The following CDH4 variants were observed in gnomAD, a reference collection of about 807,000 sequenced individuals.
The protein encoded by CDH4 is cadherin-4.
A neutral mutation model predicts 86.0 loss-of-function variants in CDH4; 33 were observed. The ratio of observed to expected loss-of-function variants is 0.38; its 90% confidence interval spans 0.29 to 0.51. The LOEUF is 0.51. Among genes scored for constraint, CDH4 ranks in the 20% least tolerant of loss-of-function variants. CDH4 has a pLI of 0.86. For synonymous variants in CDH4, 555 were observed against 549.4 expected (o/e 1.01, Z -0.14); for missense variants, 1,114 against 1,307.4 (o/e 0.85, Z 2.28).
At chr20:61,586,626 G>T (rs550466669) in intron 2 of CDH4, among the ~76,000 whole-genome samples, 3 of 152,162 alleles carry the variant, frequency 2.0e-5, no homozygotes, top group Non-Finnish European at 4.4e-5. Flanking sequence ...TGATCCTTTT[G>T]TAGACAAAAA....
chr20:61,662,439 C>A (rs1163520603), intron 2 of CDH4, among the ~76,000 whole-genome samples: 1 of 152,230 alleles, frequency 6.6e-6, no homozygotes, highest in Non-Finnish European at 1.5e-5. Context: ...GCGGCTTCAC[C>A]ATTCCGAGCT....
intron 2 of CDH4, among the ~76,000 whole-genome samples, chr20:61,399,038 C>CA (rs2085034474): frequency 6.6e-6 from 1 of 152,070 alleles, no homozygotes; most frequent in Non-Finnish European, 1.5e-5. Flanking sequence ...AAGTGAACCC[C>CA]AGGTCATTAT....
At chr20:61,621,134 G>A (rs1400371698) in intron 2 of CDH4, among the ~76,000 whole-genome samples, 1 of 152,234 alleles carries the variant, frequency 6.6e-6, no homozygotes, top group Non-Finnish European at 1.5e-5. Context: ...AGTCAAAGGT[G>A]AGCATTGTGA....
chr20:61,934,051 C>G lies in CDH4; in HGVS notation c.2380-5C>G, dbSNP rs1277127664. ...CCCCTGACTCCTCCCGGCTCCCTCC[C>G]CCAGGACTACGACCTCAGCCAGCTG... On this transcript the variant is annotated splice_polypyrimidine_tract_variant and splice_region_variant and intron_variant, in intron 14 of 15. Coordinates refer to ENST00000614565, the MANE Select transcript of CDH4 (RefSeq NM_001794.5). 1 of 1,610,776 alleles carries G rather than the reference C, an allele frequency of 6.2e-7. No individual in the cohort carries two copies. The highest frequency in any genetic ancestry group is 8.5e-7 in the Non-Finnish European group (1 of 1,179,770).
intron 4 of CDH4, among the ~76,000 whole-genome samples, chr20:61,796,102 C>T (rs972405335): frequency 2.0e-5 from 3 of 152,110 alleles, no homozygotes; most frequent in South Asian, 2.1e-4. Flanking sequence ...GGGAGGCTCC[C>T]GGACCGCTGC....
chr20:61,594,114 C>G (rs1263602598), intron 2 of CDH4, among the ~76,000 whole-genome samples: 1 of 74,162 alleles, frequency 1.3e-5, no homozygotes, highest in East Asian at 4.6e-4. Flanking sequence ...GGAAGGGGGT[C>G]AGGGCAAAGA....
intron 4 of CDH4, among the ~76,000 whole-genome samples, chr20:61,779,275 G>A (rs1490847585): frequency 2.6e-5 from 4 of 152,176 alleles, no homozygotes; most frequent in Admixed American, 1.3e-4. Flanking sequence ...GTGCTCCTGG[G>A]TGCGAATCCT....
rs554246675 is a variant in CDH4 at position 61,649,235 on chromosome 20, C to A, written c.170-94328C>A. On this transcript the variant is annotated intron_variant, in intron 2 of 15. Coordinates refer to ENST00000614565, the MANE Select transcript of CDH4 (RefSeq NM_001794.5). ...AAGGGCGAAGACCCCACAGGGCCCC[C>A]CGAGCACGCACGCTCACCTTTTGCA... Among the ~76,000 whole-genome samples, 5 of 152,298 alleles carry A rather than the reference C, an allele frequency of 3.3e-5. No individual in the cohort carries two copies. The East Asian group carries it at 9.7e-4, about 29-fold the overall frequency.
At chr20:61,337,411 G>A (rs1444340814) in intron 2 of CDH4, among the ~76,000 whole-genome samples, 2 of 150,054 alleles carry the variant, frequency 1.3e-5, no homozygotes, top group South Asian at 2.2e-4. Context: ...TGGAGATCAC[G>A]CTACTGCTGC....
chr20:61,297,002 A>G (rs2084358632), intron 2 of CDH4, among the ~76,000 whole-genome samples: 1 of 152,196 alleles, frequency 6.6e-6, no homozygotes, highest in Non-Finnish European at 1.5e-5. Flanking sequence ...GAGGGACCCC[A>G]GGACTCCAGG....
At chr20:61,852,721 C>A in intron 5 of CDH4, 33 bp from the exon 6 acceptor site, 1 of 1,600,622 alleles carries the variant, frequency 6.2e-7, no homozygotes, top group Non-Finnish European at 8.5e-7. Flanking sequence ...GGTGCCCACC[C>A]GCCACTGGGC....
intron 4 of CDH4, among the ~76,000 whole-genome samples, chr20:61,819,013 T>C (rs1429383593): frequency 6.6e-6 from 1 of 152,226 alleles, no homozygotes; most frequent in Admixed American, 6.5e-5. Context: ...TGGCACTTTC[T>C]GAGGTGGGCA....
At chr20:61,397,823 A>G (rs752337385) in intron 2 of CDH4, among the ~76,000 whole-genome samples, 3 of 152,224 alleles carry the variant, frequency 2.0e-5, no homozygotes, top group Admixed American at 1.3e-4. Flanking sequence ...GGACAAATTA[A>G]TAAGATTCCC....
At chr20:61,637,336 C>T (rs1224748278) in intron 2 of CDH4, among the ~76,000 whole-genome samples, 2 of 152,198 alleles carry the variant, frequency 1.3e-5, no homozygotes, top group Non-Finnish European at 2.9e-5. Context: ...AGAGACCTCC[C>T]CTACCCGCAG....
chr20:61,289,448 C>T lies in CDH4; in HGVS notation c.169+34511C>T, dbSNP rs187556428. Among the ~76,000 whole-genome samples, 473 of 152,324 alleles carry T rather than the reference C, an allele frequency of 3.1e-3. 20 individuals carry two copies. Among genetic ancestry groups the T allele is most frequent in the Admixed American group, 0.024 (363 of 15,298 alleles). ...ACTCTCTGCCTGCTCGTGCCACCAG[C>T]GCATGCCAACAGTAAGGGGTACGGG... On this transcript the variant is annotated intron_variant, in intron 2 of 15. Coordinates refer to ENST00000614565, the MANE Select transcript of CDH4 (RefSeq NM_001794.5).
rs1293966391 is a variant in CDH4 at position 61,590,885 on chromosome 20, G to GGT, written c.170-152677_170-152676insTG. Among the ~76,000 whole-genome samples the GGT allele has an allele frequency of 1.5e-3, 225 of 151,632 alleles. 3 individuals carry two copies. The highest frequency in any genetic ancestry group is 4.0e-3 in the South Asian group (19 of 4,806). Reference sequence around the variant, plus strand: ...GTCTTCCCTAAATCTATGGGGGGGGGGGTCCCCGGGTCTCCAGGCTCCAGC... The same window carrying GGT: ...GTCTTCCCTAAATCTATGGGGGGGGGGTGGTCCCCGGGTCTCCAGGCTCCAGC... On this transcript the variant is annotated intron_variant, in intron 2 of 15. Transcript: ENST00000614565.
chr20:61,836,536 C>T (rs1260946548), intron 4 of CDH4, among the ~76,000 whole-genome samples: 1 of 152,192 alleles, frequency 6.6e-6, no homozygotes, highest in Admixed American at 6.5e-5. Flanking sequence ...GGCTTTTCTG[C>T]TCATTACAAG....
intron 3 of CDH4, among the ~76,000 whole-genome samples, chr20:61,758,139 G>T (rs2088587887): frequency 1.3e-5 from 2 of 152,198 alleles, no homozygotes; most frequent in African/African-American, 2.4e-5. Context: ...TCAGGTGAGG[G>T]GTACCAAGCC....
intron 1 of CDH4, 70 bp from the exon 2 acceptor site, chr20:61,254,756 C>CT: frequency 9.8e-7 from 1 of 1,021,512 alleles, no homozygotes; most frequent in Non-Finnish European, 1.6e-6. Context: ...ACAGCAGGCC[C>CT]TGGATGAATG....
Sources: allele counts gnomAD v4.1 joint callset (sites outside exome capture counted in the v4.1 genomes callset), GRCh38; gene constraint gnomAD v4.1.1; transcripts MANE v1.5; gene names NCBI Gene and HGNC (gene_info 2026-07-23, HGNC 2026-07-21).